UBE2Z: variants seen among roughly 807,000 people sequenced by gnomAD.
UBE2Z encodes ubiquitin-conjugating enzyme E2 Z.
In UBE2Z, 10 loss-of-function variants were observed where a neutral mutation model predicts 32.6. That is an observed-to-expected ratio of 0.31 (90% CI 0.19 to 0.52). The LOEUF is 0.52. Ranked by LOEUF, UBE2Z falls within the 20% of genes least tolerant of loss-of-function variation. The probability of loss-of-function intolerance (pLI) is 0.97; values close to 1 mark genes in which losing one functional copy is unlikely to be tolerated. For synonymous variants in UBE2Z, 183 were observed against 190.8 expected (o/e 0.96, Z 0.34); for missense variants, 343 against 480.9 (o/e 0.71, Z 2.68).
At chr17:48,916,250 G>GTTTTTTTTTTTTTT (rs1234372680) in intron 4 of UBE2Z, 63 bp downstream of exon 4, 5 of 517,906 alleles carry the variant, frequency 9.7e-6, no homozygotes, top group East Asian at 4.7e-5. Context: ...TGGTTGGTTG[G>GTTTTTTTTTTTTTT]TTTTTTTGTT....
intron 3 of UBE2Z, 29 bp from the exon 4 acceptor site, chr17:48,916,047 A>G (rs1348040973): frequency 3.3e-6 from 5 of 1,509,846 alleles, no homozygotes; most frequent in Middle Eastern, 1.7e-4. Flanking sequence ...TCTCTGCCTC[A>G]CCCTCCATTC....
chr17:48,921,793 C>G (rs996084185), intron 5 of UBE2Z, among the ~76,000 whole-genome samples: 6 of 152,122 alleles, frequency 3.9e-5, no homozygotes, highest in Non-Finnish European at 8.8e-5. Flanking sequence ...CTTTGGGAGG[C>G]TGAGGCGGGA....
intron 6 of UBE2Z, 173 bp downstream of exon 6, chr17:48,923,110 G>T: frequency 2.1e-6 from 1 of 475,996 alleles, no homozygotes; most frequent in African/African-American, 2.0e-5. Context: ...TCACGAGGTC[G>T]GGAAATTGAG....
chr17:48,908,696 C>A lies in UBE2Z; in HGVS notation c.193C>A (p.Leu65Met). 3 of 1,285,076 alleles carry A rather than the reference C, an allele frequency of 2.3e-6. No homozygotes were observed. The highest frequency in any genetic ancestry group is 2.3e-5 in the South Asian group (1 of 43,064). 79.6% of individuals were successfully genotyped at this position (1,285,076 alleles called of 1,614,324 possible). A position where few individuals can be genotyped will look rare whatever the true frequency, so the allele number is the denominator to read the frequency against. The stretch of plus-strand genomic sequence containing the variant: ...GGGCCCGGGGAGCGGCCTGGCTCCG[C>A]TGCCCGGGCTCCCGCCCTCAGCCGC... ...AGGPGSGLAP[L>M]PGLPPSAAAH... Residue 65 changes from leucine to methionine, a missense_variant, in exon 1 of 7, where the codon CTG (leucine) becomes ATG (methionine). Physicochemically the swap from Leu to Met is conservative, Grantham distance 15. Coordinates refer to ENST00000360943, the MANE Select transcript of UBE2Z (RefSeq NM_023079.5).
intron 5 of UBE2Z, 55 bp from the exon 6 acceptor site, chr17:48,922,792 A>AGGG: frequency 6.9e-7 from 1 of 1,445,046 alleles, no homozygotes; most frequent in Non-Finnish European, 9.5e-7. Context: ...TAGGTAAGGA[A>AGGG]GGGGTGACCT....
At chr17:48,922,141 C>T (rs984755667) in intron 5 of UBE2Z, among the ~76,000 whole-genome samples, 11 of 152,176 alleles carry the variant, frequency 7.2e-5, no homozygotes, top group Admixed American at 4.6e-4. Context: ...GTAATCCCAG[C>T]ACTTTGGGAG....
chr17:48,908,863 T>C (rs1250348073), intron 1 of UBE2Z, 43 bp downstream of exon 1: 2 of 1,352,646 alleles, frequency 1.5e-6, no homozygotes, highest in Non-Finnish European at 1.9e-6. Context: ...GCTCCGGGGC[T>C]CGACCTTCCC....
At position 48,927,434 on chromosome 17, in the gene UBE2Z, A is replaced by T; in HGVS notation, c.*300A>T. On this transcript the variant is annotated 3_prime_UTR_variant, in exon 7 of 7. Coordinates refer to ENST00000360943, the MANE Select transcript of UBE2Z (RefSeq NM_023079.5). Reference sequence around the variant, plus strand: ...TTGGCAAAAACAAAACAACCAACACACCTCTCCACAGGGCCAGCTCCTTAG... The same window carrying T: ...TTGGCAAAAACAAAACAACCAACACTCCTCTCCACAGGGCCAGCTCCTTAG... 3.3e-6 allele frequency: 1 copy of T among 307,636 alleles called. No homozygotes were observed. 19.1% of individuals were successfully genotyped at this position (307,636 alleles called of 1,614,324 possible). A position where few individuals can be genotyped will look rare whatever the true frequency, so the allele number is the denominator to read the frequency against.
intron 4 of UBE2Z, among the ~76,000 whole-genome samples, chr17:48,917,321 TAATG>T (rs1269218620): frequency 6.6e-6 from 1 of 152,074 alleles, no homozygotes; most frequent in Non-Finnish European, 1.5e-5. Context: ...ATAATAATAA[TAATG>T]AATTTTTTTA....
In UBE2Z at chr17:48,912,526, A is replaced by AAT. The variant is rs59179256; in HGVS notation, c.391-308_391-307insAT. On this transcript the variant is annotated intron_variant, in intron 2 of 6. Transcript: ENST00000360943. ...AGGGAGGTCTGCACAAAAAAAAAAAATGCTTTAAGAGAGTTTTAGGGGATA... is the reference window on the plus strand; with the variant it reads ...AGGGAGGTCTGCACAAAAAAAAAAAAATTGCTTTAAGAGAGTTTTAGGGGATA... The AAT allele has an allele frequency of 9.7e-6, 3 of 310,112 alleles. No homozygotes were observed. The East Asian group carries it at 1.7e-4, about 17-fold the overall frequency. The allele number at this position is 310,112 out of a possible 1,614,324, so 19.2% of individuals were successfully genotyped here. A position where few individuals can be genotyped will look rare whatever the true frequency, so the allele number is the denominator to read the frequency against.
chr17:48,908,680 G>C lies in UBE2Z; in HGVS notation c.177G>C (p.Gly59=). 1 of 1,229,308 alleles carries C rather than the reference G, an allele frequency of 8.1e-7. No individual in the cohort carries two copies. Among genetic ancestry groups the C allele is most frequent in the Non-Finnish European group, 1.0e-6 (1 of 986,818 alleles). The allele number at this position is 1,229,308 out of a possible 1,614,324, so 76.2% of individuals were successfully genotyped here. ...AAAAGGAGGP[G]SGLAPLPGLP... is the part of the protein sequence containing the mutation. ...CAGCGGGCGGGGCCGGGGGCCCGGGGAGCGGCCTGGCTCCGCTGCCCGGGC... is the reference window on the plus strand; with the variant it reads ...CAGCGGGCGGGGCCGGGGGCCCGGGCAGCGGCCTGGCTCCGCTGCCCGGGC... The change falls in exon 1 of 7, where the codon GGG becomes GGC. Residue 59 remains glycine (G), a synonymous_variant. Transcript: ENST00000360943.
rs761135252 is a variant in UBE2Z at position 48,922,805 on chromosome 17, A to T, written c.804-42A>T. ...GTTAGGTAAGGAAGGGGTGACCTGT[A>T]CCCCTGGGTTTCTCACTTACACTTT... On this transcript the variant is annotated intron_variant, in intron 5 of 6. Coordinates refer to ENST00000360943, the MANE Select transcript of UBE2Z (RefSeq NM_023079.5). 3 of 1,543,960 alleles carry T rather than the reference A, an allele frequency of 1.9e-6. No individual in the cohort carries two copies. The South Asian group carries it at 3.5e-5, about 18-fold the overall frequency.
Position 48,908,786 on chromosome 17 carries a change from C to G in UBE2Z, c.283C>G (p.Arg95Gly). The G allele has an allele frequency of 6.6e-7, 1 of 1,507,460 alleles. No individual in the cohort carries two copies. The highest frequency in any genetic ancestry group is 8.8e-7 in the Non-Finnish European group (1 of 1,133,074). The allele number at this position is 1,507,460 out of a possible 1,614,324, so 93.4% of individuals were successfully genotyped here. Residue 95 changes from arginine to glycine, a missense_variant, in exon 1 of 7, where the codon CGC (arginine) becomes GGC (glycine). Physicochemically the swap from Arg to Gly is moderately radical, Grantham distance 125 (BLOSUM62 -2). Transcript: ENST00000360943. ...GCTCAGCTCCGACTGGGACGGCGAG[C>G]GCACCGCGCCGCAGTGTCTACTCCG... is the stretch of plus-strand genomic sequence containing the variant. ...PTLSSDWDGE[R>G]TAPQCLLRIK...
Position 48,921,153 on chromosome 17 carries a change from A to C in UBE2Z, c.691-7A>C, listed in dbSNP as rs180813106. The C allele has an allele frequency of 6.2e-7, 1 of 1,605,510 alleles. No homozygotes were observed. Among genetic ancestry groups the C allele is most frequent in the African/African-American group, 1.3e-5 (1 of 74,708 alleles). On this transcript the variant is annotated splice_polypyrimidine_tract_variant and splice_region_variant and intron_variant, in intron 4 of 6. Transcript: ENST00000360943. ...TTTGGAATACTCTGGCATCTGTTAC[A>C]TTATAGGAGAGACATCCAGGAGACA... is the stretch of plus-strand genomic sequence containing the variant.
At chr17:48,924,083 C>G (rs1219868798) in intron 6 of UBE2Z, among the ~76,000 whole-genome samples, 2 of 152,172 alleles carry the variant, frequency 1.3e-5, no homozygotes, top group Non-Finnish European at 1.5e-5. Flanking sequence ...TCTTGAACTC[C>G]TCACCTCAAG....
rs936695963 is a variant in UBE2Z at position 48,915,873 on chromosome 17, C to CA, written c.579-203_579-202insA. ...CTATTACCTGTTCTTTTGCCCCCCC[C>CA]CCTTGATTTGAGGATTAGGCAATTG... On this transcript the variant is annotated intron_variant, in intron 3 of 6. Transcript: ENST00000360943. 58 of 338,502 alleles carry CA rather than the reference C, an allele frequency of 1.7e-4. 3 individuals carry two copies. The highest frequency in any genetic ancestry group is 3.9e-4 in the Admixed American group (7 of 17,906). 21.0% of individuals were successfully genotyped at this position (338,502 alleles called of 1,614,324 possible). A position where few individuals can be genotyped will look rare whatever the true frequency, so the allele number is the denominator to read the frequency against.
intron 2 of UBE2Z, chr17:48,911,656 T>A (rs1381112909): frequency 6.6e-6 from 1 of 152,216 alleles, no homozygotes; most frequent in Non-Finnish European, 1.5e-5. Flanking sequence ...TTGAATAGAT[T>A]TCCCTTCATA....
At chr17:48,913,721 TG>T (rs1567777799) in intron 3 of UBE2Z, among the ~76,000 whole-genome samples, 1 of 152,118 alleles carries the variant, frequency 6.6e-6, no homozygotes, top group Non-Finnish European at 1.5e-5. Context: ...ACCACTCTCT[TG>T]GGGTGTTAAG....
At chr17:48,926,716 G>T (rs914610405) in intron 6 of UBE2Z, among the ~76,000 whole-genome samples, 2 of 152,102 alleles carry the variant, frequency 1.3e-5, no homozygotes, top group Non-Finnish European at 2.9e-5. Context: ...CCCAACCTCA[G>T]GTGATCCGCC....
Sources: gnomAD v4.1 joint callset for allele counts (sites outside exome capture counted in the v4.1 genomes callset) on GRCh38, gnomAD v4.1.1 for gene constraint, MANE v1.5 for transcripts, NCBI Gene and HGNC (gene_info 2026-07-23, HGNC 2026-07-21) for gene names.